Variants in UBE4A observed in about 807,000 individuals in gnomAD.
UBE4A encodes the protein ubiquitination factor E4A.
In UBE4A, 48 loss-of-function variants were observed where a neutral mutation model predicts 117.9. That is an observed-to-expected ratio of 0.41 (90% CI 0.32 to 0.52). UBE4A has a LOEUF of 0.52. UBE4A is among the 20% of genes least tolerant of loss of function. The probability of loss-of-function intolerance (pLI) is 0.33; values close to 1 mark genes in which losing one functional copy is unlikely to be tolerated. For synonymous variants in UBE4A, 407 were observed against 450.0 expected (o/e 0.90, Z 1.21); for missense variants, 1,067 against 1,296.3 (o/e 0.82, Z 2.72).
intron 18 of UBE4A, among the ~76,000 whole-genome samples, chr11:118,391,983 T>C (rs1948823448): frequency 6.6e-6 from 1 of 152,188 alleles, no homozygotes; most frequent in Admixed American, 6.5e-5. Flanking sequence ...AATTTTTATT[T>C]GGATTGTCTC....
Position 118,397,208 on chromosome 11 carries a change from C to T in UBE4A, c.*768C>T, listed in dbSNP as rs992748731. 3.9e-5 allele frequency: 6 copies of T among 151,996 alleles called. No homozygotes were observed. The highest frequency in any genetic ancestry group is 7.4e-5 in the Non-Finnish European group (5 of 67,990). The allele number at this position is 151,996 out of a possible 1,614,324, so 9.4% of individuals were successfully genotyped here. On this transcript the variant is annotated 3_prime_UTR_variant, in exon 20 of 20. Coordinates refer to ENST00000252108, the MANE Select transcript of UBE4A (RefSeq NM_001204077.2). Reference sequence around the variant, plus strand: ...ACTAGGCCTAAGTAGATTTAGGCAACGGGTATCATATCCATGAAAAATGTC... The same window carrying T: ...ACTAGGCCTAAGTAGATTTAGGCAATGGGTATCATATCCATGAAAAATGTC...
Position 118,371,086 on chromosome 11 carries a change from C to T in UBE4A, c.409-428C>T, listed in dbSNP as rs143922175. The stretch of plus-strand genomic sequence containing the variant: ...AATCAAAACAGTGCGTTGTACCTTG[C>T]AGGTGCCTGAGTAACATTAAAAGAA... On this transcript the variant is annotated intron_variant, in intron 4 of 19. Transcript: ENST00000252108. Among the ~76,000 whole-genome samples the T allele has an allele frequency of 1.4e-3, 209 of 152,282 alleles. 1 individual carries two copies. Among genetic ancestry groups the T allele is most frequent in the African/African-American group, 4.9e-3 (202 of 41,546 alleles).
At chr11:118,362,017 A>G (rs758807527) in intron 1 of UBE4A, among the ~76,000 whole-genome samples, 15 of 152,246 alleles carry the variant, frequency 9.9e-5, no homozygotes, top group Non-Finnish European at 4.4e-5. Flanking sequence ...TAGAGGTAAA[A>G]TGTAGAAAGC....
At chr11:118,363,769 C>T (rs1373963562) in intron 1 of UBE4A, among the ~76,000 whole-genome samples, 1 of 152,148 alleles carries the variant, frequency 6.6e-6, no homozygotes. Flanking sequence ...CAGGCACCTG[C>T]CGCCATGCCT....
At chr11:118,374,319 G>A (rs1010737427) in intron 8 of UBE4A, among the ~76,000 whole-genome samples, 5 of 151,742 alleles carry the variant, frequency 3.3e-5, no homozygotes, top group East Asian at 3.9e-4. Flanking sequence ...CTTCCTTTTC[G>A]TGTCTCCACC....
chr11:118,387,867 G>A (rs1339372989), intron 16 of UBE4A, among the ~76,000 whole-genome samples: 2 of 152,294 alleles, frequency 1.3e-5, no homozygotes, highest in Middle Eastern at 3.4e-3. Context: ...CCAGGATGAC[G>A]GTGAAAGGAG....
At chr11:118,363,936 T>C (rs865891066) in intron 1 of UBE4A, among the ~76,000 whole-genome samples, 11 of 152,228 alleles carry the variant, frequency 7.2e-5, no homozygotes, top group South Asian at 6.2e-4. Context: ...CTTTTGTTGA[T>C]ATGATCCTGT....
intron 4 of UBE4A, among the ~76,000 whole-genome samples, 172 bp downstream of exon 4, chr11:118,369,707 T>C (rs900224152): frequency 6.6e-6 from 1 of 151,594 alleles, no homozygotes; most frequent in Non-Finnish European, 1.5e-5. Flanking sequence ...ATCTCTAACA[T>C]TGTGGTGTTC....
chr11:118,382,586 C>A lies in UBE4A; in HGVS notation c.2010-3C>A. ...CTCATCTTGCTTTTTGCCCATTTTG[C>A]AGAATGAAGAATCCCCACCTGAGGG... is the stretch of plus-strand genomic sequence containing the variant. On this transcript the variant is annotated splice_region_variant and splice_polypyrimidine_tract_variant and intron_variant, in intron 12 of 19. Coordinates refer to ENST00000252108, the MANE Select transcript of UBE4A (RefSeq NM_001204077.2). The A allele has an allele frequency of 6.5e-7, 1 of 1,528,992 alleles. No homozygotes were observed. The highest frequency in any genetic ancestry group is 1.3e-5 in the South Asian group (1 of 79,424). The allele number at this position is 1,528,992 out of a possible 1,614,324, so 94.7% of individuals were successfully genotyped here.
rs796837757 is a variant in UBE4A, at chr11:118,360,629, A to G, written c.-42+955A>G. 3.3e-5 allele frequency among the ~76,000 whole-genome samples: 5 copies of G among 152,350 alleles called. No individual in the cohort carries two copies. The South Asian group carries it at 8.3e-4, about 25-fold the overall frequency. On this transcript the variant is annotated intron_variant, in intron 1 of 19. Coordinates refer to ENST00000252108, the MANE Select transcript of UBE4A (RefSeq NM_001204077.2). ...TGATTTTGACGATCCCAGTTTTACAAAGTGTTCCAGATATTTCTGTTGAAA... is the reference window on the plus strand; with the variant it reads ...TGATTTTGACGATCCCAGTTTTACAGAGTGTTCCAGATATTTCTGTTGAAA...
intron 17 of UBE4A, among the ~76,000 whole-genome samples, chr11:118,390,385 A>C (rs567280954): frequency 6.9e-6 from 1 of 145,564 alleles, no homozygotes; most frequent in Non-Finnish European, 1.5e-5. Flanking sequence ...AATATATTTA[A>C]TATATATTAT....
rs374541801 is a variant in UBE4A at position 118,376,641 on chromosome 11, T to C, written c.1518T>C (p.Leu506=). The change falls in exon 10 of 20, where the codon CTT becomes CTC. Residue 506 remains leucine (L), a synonymous_variant. Transcript: ENST00000252108. ...QEPKFPQNYN[L]VTENLALTEY... ...CGAAGTTTCCACAGAACTACAACCT[T>C]GTAACAGAGAACCTTGCTCTGACAG... The C allele has an allele frequency of 5.8e-5, 94 of 1,613,952 alleles. No individual in the cohort carries two copies. Among genetic ancestry groups the C allele is most frequent in the Non-Finnish European group, 7.5e-5 (89 of 1,179,986 alleles).
At chr11:118,386,757 G>A (rs769852812) in intron 16 of UBE4A, 145 bp downstream of exon 16, 265 of 951,080 alleles carry the variant, frequency 2.8e-4, no homozygotes, top group Non-Finnish European at 3.6e-4. Flanking sequence ...CACTTGAGAA[G>A]CTTCAAAAAG....
At chr11:118,386,642 A>G (rs189690655) in intron 16 of UBE4A, 30 bp downstream of exon 16, 25 of 1,494,906 alleles carry the variant, frequency 1.7e-5, no homozygotes, top group Middle Eastern at 1.9e-4. Flanking sequence ...CTTCCCCCCA[A>G]AAAAGTAATG....
Position 118,371,527 on chromosome 11 carries a change from G to T in UBE4A, c.422G>T (p.Arg141Leu). ...MSNVEQALFA[R>L]LLLQDPGNHL... ...TTTTCTTTATAGGCCCTCTTCGCTC[G>T]CTTATTACTTCAAGATCCAGGCAAC... The change falls in exon 5 of 20, where the codon CGC (arginine) becomes CTC (leucine). Residue 141 changes from arginine (R) to leucine (L), a missense_variant. Physicochemically the swap from Arg to Leu is moderately radical, Grantham distance 102. Transcript: ENST00000252108. 1 of 1,610,626 alleles carries T rather than the reference G, an allele frequency of 6.2e-7. No homozygotes were observed.
Position 118,396,355 on chromosome 11 carries a change from A to T in UBE4A, c.3116A>T (p.Asp1039Val). 3.1e-6 allele frequency: 5 copies of T among 1,613,908 alleles called. No individual in the cohort carries two copies. Among genetic ancestry groups the T allele is most frequent in the Non-Finnish European group, 3.4e-6 (4 of 1,179,926 alleles). Residue 1039 changes from aspartate (D) to valine (V), a missense_variant, in exon 20 of 20, where the codon GAC (aspartate) becomes GTC (valine). Coordinates refer to ENST00000252108, the MANE Select transcript of UBE4A (RefSeq NM_001204077.2). ...TTTAACCGTAGTCCCCTCACCATGG[A>T]CCAGATCCGGCCAAACACAGAACTA... ...DPFNRSPLTM[D>V]QIRPNTELKE...
At chr11:118,380,754 G>A (rs1948698380) in intron 11 of UBE4A, among the ~76,000 whole-genome samples, 2 of 152,182 alleles carry the variant, frequency 1.3e-5, no homozygotes, top group Admixed American at 6.5e-5. Flanking sequence ...GCCCAGTCAT[G>A]TGGTTGTTGA....
At chr11:118,385,907 A>G (rs1948752911) in intron 15 of UBE4A, among the ~76,000 whole-genome samples, 1 of 152,234 alleles carries the variant, frequency 6.6e-6, no homozygotes, top group Non-Finnish European at 1.5e-5. Context: ...CATGAAGCAG[A>G]TGGTATTTTC....
Position 118,371,626 on chromosome 11 carries a change from T to G in UBE4A, c.521T>G (p.Phe174Cys), listed in dbSNP as rs1948611033. The stretch of plus-strand genomic sequence containing the variant: ...CGAGATGCAGGAGAGAGGCACATTT[T>G]TTGTTACCTTTACTCCTGCTTCCAG... Reference protein sequence around the residue: ...ADRDAGERHIFCYLYSCFQRA... With the variant: ...ADRDAGERHICCYLYSCFQRA... The change falls in exon 5 of 20, where the codon TTT becomes TGT. Residue 174 changes from phenylalanine to cysteine, a missense_variant. Phe to Cys is a radical substitution (Grantham distance 205). Coordinates refer to ENST00000252108, the MANE Select transcript of UBE4A (RefSeq NM_001204077.2). 1.9e-6 allele frequency: 3 copies of G among 1,613,668 alleles called. No individual in the cohort carries two copies. Among genetic ancestry groups the G allele is most frequent in the South Asian group, 2.2e-5 (2 of 91,076 alleles).
Sources: gnomAD v4.1 joint callset for allele counts (sites outside exome capture counted in the v4.1 genomes callset) on GRCh38, gnomAD v4.1.1 for gene constraint, MANE v1.5 for transcripts, NCBI Gene and HGNC (gene_info 2026-07-23, HGNC 2026-07-21) for gene names.